Variants in SEPTIN2 observed in about 807,000 individuals in gnomAD.
SEPTIN2 encodes septin 2, also known as septin-2.
A neutral mutation model predicts 46.5 loss-of-function variants in SEPTIN2; 34 were observed. That is an observed-to-expected ratio of 0.73 (90% CI 0.56 to 0.97). The LOEUF is 0.97. Among genes scored for constraint, SEPTIN2 ranks in the 50% least tolerant of loss-of-function variants. SEPTIN2 has a pLI of 0.00. For missense variants in SEPTIN2, 347 were observed against 448.4 expected (o/e 0.77, Z 2.04); for synonymous variants, 175 against 153.4 (o/e 1.14, Z -1.04).
At chr2:241,339,700 C>A (rs547833175) in intron 7 of SEPTIN2, among the ~76,000 whole-genome samples, 1 of 152,278 alleles carries the variant, frequency 6.6e-6, no homozygotes, top group South Asian at 2.1e-4. Context: ...TTGCCCCTTG[C>A]TCGCTGCTTT....
At chr2:241,328,870 A>G (rs903206146) in intron 3 of SEPTIN2, among the ~76,000 whole-genome samples, 7 of 150,710 alleles carry the variant, frequency 4.6e-5, no homozygotes, top group Non-Finnish European at 3.0e-5. Context: ...AAAATACAAA[A>G]TTAGCCGGGC....
chr2:241,329,586 G>T (rs995005099), intron 3 of SEPTIN2, among the ~76,000 whole-genome samples: 1 of 152,160 alleles, frequency 6.6e-6, no homozygotes, highest in South Asian at 2.1e-4. Context: ...AGTTTCCTCA[G>T]CAAGGCCATT....
intron 3 of SEPTIN2, among the ~76,000 whole-genome samples, chr2:241,333,350 C>T (rs954001028): frequency 3.3e-5 from 5 of 152,026 alleles, no homozygotes; most frequent in South Asian, 4.1e-4. Context: ...ATTGCACCAC[C>T]GTTTATTAAA....
At chr2:241,348,073 G>T (rs564595525) in intron 10 of SEPTIN2, 61 bp from the exon 11 acceptor site, 49 of 1,306,838 alleles carry the variant, frequency 3.7e-5, no homozygotes, top group African/African-American at 7.5e-5. Flanking sequence ...AGAATTTTTT[G>T]GGGGGGTAGC....
intron 3 of SEPTIN2, among the ~76,000 whole-genome samples, chr2:241,333,323 G>T (rs1021829022): frequency 2.5e-4 from 38 of 152,114 alleles, no homozygotes; most frequent in African/African-American, 8.9e-4. Flanking sequence ...GACTTCTAAA[G>T]AAACAGGTAA....
chr2:241,317,107 C>T (rs1264590037), intron 1 of SEPTIN2: 1 of 152,238 alleles, frequency 6.6e-6, no homozygotes, highest in Non-Finnish European at 1.5e-5. Flanking sequence ...GTTCTGCCGT[C>T]ATAAAGAAAA....
Position 241,351,083 on chromosome 2 carries a change from C to G in SEPTIN2, c.*29+880C>G, listed in dbSNP as rs536821855. 8.9e-4 allele frequency among the ~76,000 whole-genome samples: 135 copies of G among 152,222 alleles called. 1 individual carries two copies. Among genetic ancestry groups the G allele is most frequent in the African/African-American group, 2.8e-3 (116 of 41,530 alleles). ...ACGCTGGGAATTTGGTAGAAGGTCT[C>G]TACTACAATTCAGGGACCTCATTCT... On this transcript the variant is annotated intron_variant, in intron 12 of 12. Transcript: ENST00000391971.
intron 1 of SEPTIN2, among the ~76,000 whole-genome samples, chr2:241,318,004 A>C (rs1251250904): frequency 6.6e-6 from 1 of 152,186 alleles, no homozygotes; most frequent in Non-Finnish European, 1.5e-5. Context: ...TTGCTGGATC[A>C]AGGCTTTCTC....
chr2:241,332,983 G>A (rs117473883), intron 3 of SEPTIN2, among the ~76,000 whole-genome samples: 1 of 152,336 alleles, frequency 6.6e-6, no homozygotes, highest in East Asian at 1.9e-4. Context: ...AGACTTCACA[G>A]TTACACAAAG....
At chr2:241,327,795 A>G (rs1202250293) in intron 3 of SEPTIN2, among the ~76,000 whole-genome samples, 2 of 152,174 alleles carry the variant, frequency 1.3e-5, no homozygotes, top group South Asian at 2.1e-4. Context: ...TCATGCCTGT[A>G]ATCCTAGCAC....
chr2:241,328,389 G>A (rs987245176), intron 3 of SEPTIN2, among the ~76,000 whole-genome samples: 2 of 151,062 alleles, frequency 1.3e-5, no homozygotes, highest in African/African-American at 2.4e-5. Flanking sequence ...CCAAGATTGC[G>A]CCACAGCACT....
chr2:241,343,128 C>T (rs748136825), intron 8 of SEPTIN2, 35 bp downstream of exon 8: 1 of 1,123,140 alleles, frequency 8.9e-7, no homozygotes, highest in Admixed American at 1.8e-5. Context: ...ACATAAATAA[C>T]TCCTGTTTAC....
At chr2:241,321,035 A>G (rs1235085667) in intron 1 of SEPTIN2, among the ~76,000 whole-genome samples, 1 of 152,184 alleles carries the variant, frequency 6.6e-6, no homozygotes, top group Non-Finnish European at 1.5e-5. Context: ...ATTTAAGCAG[A>G]TAATTATTTG....
chr2:241,316,245 C>G (rs1408398957), intron 1 of SEPTIN2: 5 of 369,280 alleles, frequency 1.4e-5, no homozygotes, highest in Non-Finnish European at 2.5e-5. Flanking sequence ...CCGGTGACCC[C>G]TTGTTGACCC....
chr2:241,320,265 T>TC (rs2076948910), intron 1 of SEPTIN2: 13 of 471,104 alleles, frequency 2.8e-5, no homozygotes, highest in South Asian at 2.0e-4. Flanking sequence ...AACTCTAACG[T>TC]CAAGTCTTGG....
At chr2:241,334,205 CT>C (rs1450732408) in intron 3 of SEPTIN2, among the ~76,000 whole-genome samples, 3 of 152,094 alleles carry the variant, frequency 2.0e-5, no homozygotes, top group Non-Finnish European at 4.4e-5. Context: ...ATGTGTACTC[CT>C]TCCTCATGCT....
intron 7 of SEPTIN2, among the ~76,000 whole-genome samples, chr2:241,342,218 C>G (rs534050927): frequency 3.3e-5 from 5 of 152,122 alleles, no homozygotes; most frequent in Admixed American, 6.5e-5. Flanking sequence ...CCTCTCTGTG[C>G]CTTTGACGAG....
intron 1 of SEPTIN2, among the ~76,000 whole-genome samples, chr2:241,320,656 G>A (rs556409616): frequency 6.6e-6 from 1 of 152,254 alleles, no homozygotes; most frequent in South Asian, 2.1e-4. Context: ...GGGCGTGGTG[G>A]CGGGCACCTA....
At chr2:241,328,770 C>A (rs936734096) in intron 3 of SEPTIN2, among the ~76,000 whole-genome samples, 4 of 145,710 alleles carry the variant, frequency 2.7e-5, no homozygotes, top group African/African-American at 1.0e-4. Flanking sequence ...GCCTGTAATC[C>A]CAGCACTTGA....
Sources: gnomAD v4.1 joint callset for allele counts (sites outside exome capture counted in the v4.1 genomes callset) on GRCh38, gnomAD v4.1.1 for gene constraint, MANE v1.5 for transcripts, NCBI Gene and HGNC (gene_info 2026-07-23, HGNC 2026-07-21) for gene names.